Variants in TMPRSS6 observed in about 807,000 individuals in gnomAD.
TMPRSS6 encodes the protein transmembrane protease serine 6.
In TMPRSS6, 67 loss-of-function variants were observed where a neutral mutation model predicts 101.5. The observed-to-expected ratio is 0.66, with a 90% CI of 0.54 to 0.81. The LOEUF is 0.81. Ranked by LOEUF, TMPRSS6 falls within the 30% of genes least tolerant of loss-of-function variation. The pLI is 0.00. For missense variants in TMPRSS6, 1,034 were observed against 1,088.7 expected (o/e 0.95, Z 0.71); for synonymous variants, 453 against 464.9 (o/e 0.97, Z 0.33).
chr22:37,078,957 G>GAAAGAAAA (rs1230714972), intron 10 of TMPRSS6, among the ~76,000 whole-genome samples: 2 of 103,116 alleles, frequency 1.9e-5, no homozygotes, highest in Non-Finnish European at 4.1e-5. Context: ...AGGAGAAAAA[G>GAAAGAAAA]AGAAAGAAAG....
chr22:37,093,993 A>C (rs5750380), intron 6 of TMPRSS6, among the ~76,000 whole-genome samples: 2 of 151,622 alleles, frequency 1.3e-5, no homozygotes, highest in South Asian at 2.1e-4. Context: ...ACTGCACTCC[A>C]GCCTGGATGA....
intron 6 of TMPRSS6, among the ~76,000 whole-genome samples, chr22:37,092,419 C>T (rs1231828362): frequency 6.6e-6 from 1 of 152,180 alleles, no homozygotes; most frequent in African/African-American, 2.4e-5. Flanking sequence ...CCTCGACCTC[C>T]TGAGCTCGGG....
rs1459698397 is a variant in TMPRSS6, at chr22:37,098,535, C to T, written c.217G>A (p.Val73Met). Residue 73 changes from valine (V) to methionine (M), a missense_variant, in exon 3 of 18, where the codon GTG becomes ATG. Physicochemically the swap from Val to Met is conservative, Grantham distance 21 (BLOSUM62 1). Transcript: ENST00000676104. Reference protein sequence around the residue: ...LWYFLGYKAEVMVSQVYSGSL... With the variant: ...LWYFLGYKAEMMVSQVYSGSL... ...CCTGAGTACACCTGGCTGACCATCA[C>T]CTCCGCCTTGTACCCTGCCCAGGAA... 1 of 1,614,130 alleles carries T rather than the reference C, an allele frequency of 6.2e-7. No homozygotes were observed. Among genetic ancestry groups the T allele is most frequent in the South Asian group, 1.1e-5 (1 of 91,074 alleles).
Position 37,071,957 on chromosome 22 carries a change from TGATG to T in TMPRSS6, c.1556-929_1556-926del, listed in dbSNP as rs778777703. Among the ~76,000 whole-genome samples the T allele has an allele frequency of 1.2e-3, 176 of 147,770 alleles. 1 individual carries two copies. The highest frequency in any genetic ancestry group is 2.1e-3 in the Non-Finnish European group (140 of 66,760). On this transcript the variant is annotated intron_variant, in intron 13 of 17. Coordinates refer to ENST00000676104, the MANE Select transcript of TMPRSS6 (RefSeq NM_001374504.1). Reference sequence around the variant, plus strand: ...GATGGATGGGTGGATGATGGATGGATGATGGATGGATGATGGATGGATGGATGGA... The same window carrying T: ...GATGGATGGGTGGATGATGGATGGATGATGGATGATGGATGGATGGATGGA...
intron 10 of TMPRSS6, among the ~76,000 whole-genome samples, chr22:37,076,005 A>AAGAGAAAG (rs1463955813): frequency 1.3e-5 from 2 of 148,822 alleles, no homozygotes; most frequent in Non-Finnish European, 3.0e-5. Context: ...GAAAGGAAGA[A>AAGAGAAAG]AGAAAGAAAG....
At chr22:37,084,449 C>G in intron 9 of TMPRSS6, 45 bp from the exon 10 acceptor site, 1 of 1,477,328 alleles carries the variant, frequency 6.8e-7, no homozygotes, top group Non-Finnish European at 9.4e-7. Context: ...GGGGTGTGGC[C>G]AGGTTGGTGA....
chr22:37,066,183 G>A lies in TMPRSS6; in HGVS notation c.2306C>T (p.Ala769Val), dbSNP rs758296017. The A allele has an allele frequency of 7.7e-5, 124 of 1,612,996 alleles. No homozygotes were observed. The highest frequency in any genetic ancestry group is 1.1e-4 in the East Asian group (5 of 44,900). Residue 769 changes from alanine to valine, a missense_variant, in exon 18 of 18, where the codon GCG becomes GTG. Physicochemically the swap from Ala to Val is moderately conservative, Grantham distance 64. Transcript: ENST00000676104. Reference protein sequence around the residue: ...CKALSGRWFLAGLVSWGLGCG... With the variant: ...CKALSGRWFLVGLVSWGLGCG... Reference sequence around the variant, plus strand: ...GCCCAGGCCCCAGCTGACCAGCCCCGCCAGGAACCAGCGGCCACTGAGTGC... The same window carrying A: ...GCCCAGGCCCCAGCTGACCAGCCCCACCAGGAACCAGCGGCCACTGAGTGC...
rs756923019 is a variant in TMPRSS6, at chr22:37,095,545, G to T, written c.631+6C>A. 1.2e-6 allele frequency: 2 copies of T among 1,612,130 alleles called. No individual in the cohort carries two copies. Among genetic ancestry groups the T allele is most frequent in the Non-Finnish European group, 1.7e-6 (2 of 1,179,678 alleles). ...AAAATGGGGAGGGGAAAAAAAAATA[G>T]CGTACCCAGCGTGGAATTCAATGCA... On this transcript the variant is annotated splice_donor_region_variant and intron_variant, in intron 6 of 17. Transcript: ENST00000676104.
intron 8 of TMPRSS6, among the ~76,000 whole-genome samples, 191 bp downstream of exon 8, chr22:37,086,092 G>C (rs1338543836): frequency 6.6e-6 from 1 of 150,392 alleles, no homozygotes; most frequent in African/African-American, 2.4e-5. Context: ...GGAAGAGGGG[G>C]GTGGAAGTGC....
intron 1 of TMPRSS6, among the ~76,000 whole-genome samples, chr22:37,104,520 C>A (rs1438215969): frequency 6.6e-6 from 1 of 152,224 alleles, no homozygotes; most frequent in Admixed American, 6.5e-5. Flanking sequence ...CCCTTTCAAG[C>A]AAACATCCCA....
At chr22:37,090,932 C>T (rs994232572) in intron 6 of TMPRSS6, among the ~76,000 whole-genome samples, 1 of 152,192 alleles carries the variant, frequency 6.6e-6, no homozygotes, top group Non-Finnish European at 1.5e-5. Flanking sequence ...CCGCCTGAGG[C>T]TCAGACCTAG....
Position 37,069,527 on chromosome 22 carries a change from C to G in TMPRSS6, c.1842-183G>C, listed in dbSNP as rs1432728028. On this transcript the variant is annotated intron_variant, in intron 15 of 17. Transcript: ENST00000676104. This position sits in a 1 kb window ranked among gnomAD's most constrained non-coding sequence, Gnocchi z 4.8. Reference sequence around the variant, plus strand: ...GTACAGCGTTCAGCCTTCACCCACTCGGCCTGCCTGGGTTCCACGCCCCAG... The same window carrying G: ...GTACAGCGTTCAGCCTTCACCCACTGGGCCTGCCTGGGTTCCACGCCCCAG... Among the ~76,000 whole-genome samples, 2 of 152,184 alleles carry G rather than the reference C, an allele frequency of 1.3e-5. No homozygotes were observed. The highest frequency in any genetic ancestry group is 2.9e-5 in the Non-Finnish European group (2 of 68,034).
chr22:37,097,614 G>A (rs899031185), intron 3 of TMPRSS6, among the ~76,000 whole-genome samples: 24 of 152,258 alleles, frequency 1.6e-4, no homozygotes, highest in Admixed American at 2.0e-4. Flanking sequence ...CAGTAGACCA[G>A]CCTCCGTGCA....
rs1454181603 is a variant in TMPRSS6 at position 37,072,578 on chromosome 22, TGATG to T, written c.1555+950_1555+953del. ...GATGGATGATGGATGGATGGATGGA[TGATG>T]GATGGATGGATGATGGATGGATGGA... On this transcript the variant is annotated intron_variant, in intron 13 of 17. Transcript: ENST00000676104. Among the ~76,000 whole-genome samples the T allele has an allele frequency of 8.2e-4, 74 of 90,328 alleles. 1 individual carries two copies. The highest frequency in any genetic ancestry group is 2.8e-3 in the African/African-American group (72 of 25,690). 59.3% of individuals were successfully genotyped at this position (90,328 alleles called of 152,430 possible).
Position 37,084,756 on chromosome 22 carries a change from G to A in TMPRSS6, c.1057C>T (p.Pro353Ser), listed in dbSNP as rs1340562535. 2.6e-6 allele frequency: 4 copies of A among 1,566,430 alleles called. No individual in the cohort carries two copies. Among genetic ancestry groups the A allele is most frequent in the African/African-American group, 1.3e-5 (1 of 74,076 alleles). Residue 353 changes from proline (P) to serine (S), a missense_variant, in exon 9 of 18, where the codon CCC (proline) becomes TCC (serine). Transcript: ENST00000676104. ...AGGTGCCAGGAGCAGTGGGTTTGGGGCGAGTAGTAGCTGGGGAAGTACGGG... is the reference window on the plus strand; with the variant it reads ...AGGTGCCAGGAGCAGTGGGTTTGGGACGAGTAGTAGCTGGGGAAGTACGGG... ...STPYFPSYYS[P>S]QTHCSWHLTV...
chr22:37,080,001 C>T (rs949425609), intron 10 of TMPRSS6: 1 of 152,338 alleles, frequency 6.6e-6, no homozygotes, highest in Non-Finnish European at 1.5e-5. Flanking sequence ...TGCCTGTCCC[C>T]ACTGGCTGGG....
Position 37,069,454 on chromosome 22 carries a change from C to T in TMPRSS6, c.1842-110G>A. 1 of 1,077,800 alleles carries T rather than the reference C, an allele frequency of 9.3e-7. No individual in the cohort carries two copies. The highest frequency in any genetic ancestry group is 1.3e-6 in the Non-Finnish European group (1 of 752,558). The allele number at this position is 1,077,800 out of a possible 1,614,324, so 66.8% of individuals were successfully genotyped here. On this transcript the variant is annotated intron_variant, in intron 15 of 17. Transcript: ENST00000676104. The surrounding 1 kb of genome is among the most constrained non-coding windows in gnomAD (Gnocchi z 4.8). ...CCAGATCCCCGCCCGGGACAGTGCC[C>T]TCCACACCCAGCCCTCCCTTCCCTC... is the stretch of plus-strand genomic sequence containing the variant.
At chr22:37,067,836 T>G (rs1926462588) in intron 16 of TMPRSS6, among the ~76,000 whole-genome samples, 1 of 152,008 alleles carries the variant, frequency 6.6e-6, no homozygotes, top group Non-Finnish European at 1.5e-5. Flanking sequence ...CTGTCTGCCA[T>G]TCTGGTTGCT....
At chr22:37,100,203 G>A (rs1930183770) in intron 2 of TMPRSS6, among the ~76,000 whole-genome samples, 1 of 152,244 alleles carries the variant, frequency 6.6e-6, no homozygotes, top group Non-Finnish European at 1.5e-5. Context: ...CTGACCTCAG[G>A]TGATCCATCT....
Sources: allele counts gnomAD v4.1 joint callset (sites outside exome capture counted in the v4.1 genomes callset), GRCh38; gene constraint gnomAD v4.1.1; non-coding constraint Gnocchi (gnomAD v3.1); transcripts MANE v1.5; gene names NCBI Gene and HGNC (gene_info 2026-07-23, HGNC 2026-07-21).